Variants in EXOC4 observed in about 807,000 individuals in gnomAD.
The protein encoded by EXOC4 is exocyst complex component 4.
In EXOC4, 71 loss-of-function variants were observed where a neutral mutation model predicts 107.2. The observed-to-expected ratio is 0.66, with a 90% confidence interval of 0.55 to 0.81. The LOEUF (loss-of-function observed/expected upper bound fraction) is 0.81, where lower values mean the gene tolerates loss of function less well. Among genes scored for constraint, EXOC4 ranks in the 30% least tolerant of loss-of-function variants. The pLI is 0.00. For missense variants in EXOC4, 1,108 were observed against 1,189.6 expected, an observed-to-expected ratio of 0.93 and a Z score of 1.01; for synonymous variants, 456 against 441.2, an observed-to-expected ratio of 1.03 and a Z score of -0.42.
intron 10 of EXOC4, among the ~76,000 whole-genome samples, chr7:133,764,292 A>T (rs909366553): frequency 6.6e-6 from 1 of 152,068 alleles, no homozygotes; most frequent in Admixed American, 6.6e-5. Flanking sequence ...AAAAGTTCAC[A>T]GTCTAATAAT....
At chr7:133,867,331 A>G (rs963048430) in intron 11 of EXOC4, among the ~76,000 whole-genome samples, 3 of 152,260 alleles carry the variant, frequency 2.0e-5, no homozygotes, top group Middle Eastern at 3.2e-3. Context: ...GCATATTACT[A>G]TGAACACTTT....
chr7:133,983,612 C>T (rs1337805671), intron 14 of EXOC4, among the ~76,000 whole-genome samples: 1 of 151,782 alleles, frequency 6.6e-6, no homozygotes, highest in Non-Finnish European at 1.5e-5. Context: ...TTTACATATA[C>T]TTAAGCTAGA....
chr7:133,586,677 A>G (rs761398962), intron 9 of EXOC4, among the ~76,000 whole-genome samples: 4 of 152,178 alleles, frequency 2.6e-5, no homozygotes, highest in Non-Finnish European at 5.9e-5. Context: ...ATTGAATGGG[A>G]AAGGCCTCTC....
At chr7:133,890,453 T>C (rs1392431324) in intron 11 of EXOC4, among the ~76,000 whole-genome samples, 3 of 126,208 alleles carry the variant, frequency 2.4e-5, no homozygotes, top group African/African-American at 1.1e-4. Context: ...CAATTTTGGC[T>C]TTGGTTGCCA....
intron 11 of EXOC4, among the ~76,000 whole-genome samples, chr7:133,884,990 A>C (rs1799049748): frequency 6.6e-6 from 1 of 152,136 alleles, no homozygotes; most frequent in African/African-American, 2.4e-5. Flanking sequence ...AGCCACAATA[A>C]ATGTTCAGTC....
intron 13 of EXOC4, among the ~76,000 whole-genome samples, chr7:133,922,672 C>T (rs1799962596): frequency 6.6e-6 from 1 of 151,896 alleles, no homozygotes; most frequent in African/African-American, 2.4e-5. Flanking sequence ...ACGGTGAAAC[C>T]CCGTCTCTAC....
At chr7:133,965,648 T>C (rs1437651016) in intron 14 of EXOC4, among the ~76,000 whole-genome samples, 1 of 152,166 alleles carries the variant, frequency 6.6e-6, no homozygotes, top group Non-Finnish European at 1.5e-5. Context: ...TGTGTGGTGT[T>C]ATTTCTGAGT....
intron 10 of EXOC4, among the ~76,000 whole-genome samples, chr7:133,810,939 A>T (rs1438354407): frequency 6.6e-6 from 1 of 152,110 alleles, no homozygotes; most frequent in Admixed American, 6.6e-5. Flanking sequence ...GGCCAGATCC[A>T]TGCTTTAAAC....
chr7:133,787,963 T>TTA lies in EXOC4; in HGVS notation c.1515-29314_1515-29313dup, dbSNP rs1163259405. Among the ~76,000 whole-genome samples, 127 of 40,916 alleles carry TTA rather than the reference T, an allele frequency of 3.1e-3. 1 individual carries two copies. The highest frequency in any genetic ancestry group is 3.6e-3 in the Non-Finnish European group (79 of 22,074). The allele number at this position is 40,916 out of a possible 152,430, so 26.8% of individuals were successfully genotyped here. A position where few individuals can be genotyped will look rare whatever the true frequency, so the allele number is the denominator to read the frequency against. On this transcript the variant is annotated intron_variant, in intron 10 of 17. Transcript: ENST00000253861. ...CTTCCCTGTGCATATATTTATATAT[T>TTA]TATATATATATATATATATATATAT...
intron 13 of EXOC4, among the ~76,000 whole-genome samples, chr7:133,933,315 CATT>C (rs1800223869): frequency 6.6e-6 from 1 of 152,092 alleles, no homozygotes; most frequent in Non-Finnish European, 1.5e-5. Flanking sequence ...ACAGGTTTAA[CATT>C]CTTCTTTAGT....
intron 11 of EXOC4, among the ~76,000 whole-genome samples, chr7:133,843,266 G>A (rs1798058138): frequency 6.6e-6 from 1 of 152,042 alleles, no homozygotes; most frequent in Admixed American, 6.6e-5. Flanking sequence ...GGGCAGTATG[G>A]CCCTTTCAAC....
intron 5 of EXOC4, among the ~76,000 whole-genome samples, chr7:133,325,571 G>A (rs568901562): frequency 1.4e-4 from 22 of 152,248 alleles, no homozygotes; most frequent in African/African-American, 2.6e-4. Context: ...AGTTTCTGCC[G>A]AGAGATCCGC....
intron 9 of EXOC4, among the ~76,000 whole-genome samples, chr7:133,482,991 G>T (rs1799190284): frequency 6.6e-6 from 1 of 152,146 alleles, no homozygotes; most frequent in Admixed American, 6.5e-5. Context: ...TGGGGTTGTG[G>T]CCCCTGCTGT....
At chr7:133,651,232 G>A (rs1034269359) in intron 10 of EXOC4, among the ~76,000 whole-genome samples, 2 of 151,872 alleles carry the variant, frequency 1.3e-5, no homozygotes, top group African/African-American at 4.8e-5. Flanking sequence ...TTAGGGTCTA[G>A]GTCAAGGAAG....
intron 13 of EXOC4, among the ~76,000 whole-genome samples, chr7:133,921,236 G>C (rs937855713): frequency 6.6e-6 from 1 of 152,158 alleles, no homozygotes; most frequent in East Asian, 1.9e-4. Flanking sequence ...TCCTGCTCTA[G>C]CATACAGAGA....
At chr7:133,383,726 C>T (rs2150704905) in intron 7 of EXOC4, among the ~76,000 whole-genome samples, 1 of 152,228 alleles carries the variant, frequency 6.6e-6, no homozygotes, top group East Asian at 1.9e-4. Flanking sequence ...GGATTCTATA[C>T]CTTAAAGTAA....
chr7:133,979,000 A>G (rs1023263350), intron 14 of EXOC4, among the ~76,000 whole-genome samples: 2 of 152,164 alleles, frequency 1.3e-5, no homozygotes, highest in African/African-American at 4.8e-5. Context: ...AATTTAGTCT[A>G]GAGTAATAGG....
At chr7:133,354,183 T>G (rs1228711565) in intron 5 of EXOC4, among the ~76,000 whole-genome samples, 1 of 152,098 alleles carries the variant, frequency 6.6e-6, no homozygotes, top group Non-Finnish European at 1.5e-5. Flanking sequence ...ATGGGCCATA[T>G]TTGCCTCTCT....
Position 134,047,842 on chromosome 7 carries a change from G to A in EXOC4, c.2688-16449G>A, listed in dbSNP as rs1002088699. Among the ~76,000 whole-genome samples, 8 of 152,316 alleles carry A rather than the reference G, an allele frequency of 5.3e-5. 1 individual carries two copies. The highest frequency in any genetic ancestry group is 1.9e-4 in the African/African-American group (8 of 41,576). On this transcript the variant is annotated intron_variant, in intron 17 of 17. Transcript: ENST00000253861. ...TAGGTCCTGTAACCTAACCGGACAG[G>A]TTCTTCCTGCCTGCTGCACAAATAA...
Sources: allele counts gnomAD v4.1 joint callset (sites outside exome capture counted in the v4.1 genomes callset), GRCh38; gene constraint gnomAD v4.1.1; transcripts MANE v1.5; gene names NCBI Gene and HGNC (gene_info 2026-07-23, HGNC 2026-07-21).